RASGRF2: variants seen among roughly 807,000 people sequenced by gnomAD.
RASGRF2 encodes the protein Ras protein specific guanine nucleotide releasing factor 2, also known as ras-specific guanine nucleotide-releasing factor 2.
RASGRF2 carries 76 observed loss-of-function variants against 151.0 expected under a neutral mutation model. That is an observed-to-expected ratio of 0.50 (90% confidence interval 0.42 to 0.61). The LOEUF (loss-of-function observed/expected upper bound fraction) is 0.61. RASGRF2 is among the 20% of genes least tolerant of loss of function. RASGRF2 has a pLI of 0.00. For synonymous variants in RASGRF2, 504 were observed against 566.5 expected (o/e 0.89, Z 1.57); for missense variants, 1,148 against 1,564.6 (o/e 0.73, Z 4.49).
At chr5:81,064,033 T>C (rs1191009628) in intron 2 of RASGRF2, among the ~76,000 whole-genome samples, 1 of 152,222 alleles carries the variant, frequency 6.6e-6, no homozygotes. Context: ...ACACAGTTTC[T>C]GTGGGTCAGG....
At chr5:81,055,435 AT>A (rs1183960373) in intron 2 of RASGRF2, among the ~76,000 whole-genome samples, 93 of 152,148 alleles carry the variant, frequency 6.1e-4, no homozygotes, top group African/African-American at 2.1e-3. Context: ...ACGTTTATTG[AT>A]TTTGGGTATG....
rs940201713 is a variant in RASGRF2, at chr5:81,189,953, C to T, written c.2793+9672C>T. 2.0e-5 allele frequency among the ~76,000 whole-genome samples: 3 copies of T among 152,082 alleles called. No homozygotes were observed. In the East Asian group the frequency reaches 5.8e-4, roughly 29 times the overall value. On this transcript the variant is annotated intron_variant, in intron 18 of 26. Transcript: ENST00000265080. Reference sequence around the variant, plus strand: ...GGTCTCGAACTCCTGACCTTGTGATCCACCCGCCTCAACTTTCCAAAGTGC... The same window carrying T: ...GGTCTCGAACTCCTGACCTTGTGATTCACCCGCCTCAACTTTCCAAAGTGC...
chr5:81,050,861 T>C (rs1391288019), intron 2 of RASGRF2, among the ~76,000 whole-genome samples: 1 of 152,230 alleles, frequency 6.6e-6, no homozygotes, highest in Non-Finnish European at 1.5e-5. Flanking sequence ...TACTCATCTT[T>C]TGTGCCCTGC....
chr5:81,105,604 C>T (rs1323132571), intron 12 of RASGRF2, among the ~76,000 whole-genome samples: 1 of 152,156 alleles, frequency 6.6e-6, no homozygotes, highest in East Asian at 1.9e-4. Flanking sequence ...TTGTTCATTT[C>T]CCACAGGTCT....
intron 16 of RASGRF2, among the ~76,000 whole-genome samples, chr5:81,125,690 CTACTT>C (rs1753432498): frequency 6.6e-6 from 1 of 152,212 alleles, no homozygotes; most frequent in African/African-American, 2.4e-5. Context: ...TATTAGAACT[CTACTT>C]TATATTCTCT....
chr5:81,201,743 A>G (rs986730035), intron 19 of RASGRF2, among the ~76,000 whole-genome samples: 11 of 152,190 alleles, frequency 7.2e-5, no homozygotes, highest in Admixed American at 2.6e-4. Flanking sequence ...CTCTCCTGCA[A>G]GTCCGGCAGG....
At chr5:80,984,134 C>G (rs993600097) in intron 1 of RASGRF2, among the ~76,000 whole-genome samples, 7 of 152,168 alleles carry the variant, frequency 4.6e-5, no homozygotes, top group African/African-American at 1.4e-4. Context: ...GACCTTGGCT[C>G]ACTGCAACCT....
Position 81,219,745 on chromosome 5 carries a change from G to A in RASGRF2, c.3588G>A (p.Gln1196=), listed in dbSNP as rs1404294941. The A allele has an allele frequency of 6.2e-7, 1 of 1,611,438 alleles. No homozygotes were observed. Among genetic ancestry groups the A allele is most frequent in the African/African-American group, 1.3e-5 (1 of 74,894 alleles). ...SHIIREIRQF[Q]QTSYRIDHQP... is the part of the protein sequence containing the mutation. Reference sequence around the variant, plus strand: ...TCATCAGAGAGATACGCCAGTTCCAGCAGACTTCCTACAGAATAGATCATC... The same window carrying A: ...TCATCAGAGAGATACGCCAGTTCCAACAGACTTCCTACAGAATAGATCATC... The change falls in exon 26 of 27, where the codon CAG becomes CAA. Residue 1196 remains glutamine (Q), a synonymous_variant. Transcript: ENST00000265080.
intron 17 of RASGRF2, among the ~76,000 whole-genome samples, chr5:81,163,678 A>G (rs886466424): frequency 8.5e-5 from 13 of 152,196 alleles, no homozygotes; most frequent in Admixed American, 7.9e-4. Flanking sequence ...TCTGTGCTTA[A>G]AATAAGTGGT....
rs943643658 is a variant in RASGRF2 at position 80,999,893 on chromosome 5, G to A, written c.288+38867G>A. ...TAACAAACTAACCCACCTCCCCCAC[G>A]GCATTTTAGCAGTTTAAAACATCAA... On this transcript the variant is annotated intron_variant, in intron 1 of 26. Transcript: ENST00000265080. Among the ~76,000 whole-genome samples the A allele has an allele frequency of 6.6e-5, 10 of 152,274 alleles. No homozygotes were observed. The South Asian group carries it at 1.4e-3, about 22-fold the overall frequency.
chr5:81,148,599 G>T (rs535766040), intron 17 of RASGRF2, among the ~76,000 whole-genome samples: 5 of 149,332 alleles, frequency 3.3e-5, no homozygotes, highest in Admixed American at 2.7e-4. Context: ...ACACCTGAAC[G>T]CACCAACTAG....
At chr5:81,191,622 T>C (rs1755154015) in intron 18 of RASGRF2, among the ~76,000 whole-genome samples, 1 of 151,992 alleles carries the variant, frequency 6.6e-6, no homozygotes, top group African/African-American at 2.4e-5. Flanking sequence ...TTCTTGAAAA[T>C]GACAATCCAT....
At chr5:81,108,881 T>TGTC in intron 12 of RASGRF2, 115 bp from the exon 13 acceptor site, 1 of 859,998 alleles carries the variant, frequency 1.2e-6, no homozygotes, top group Non-Finnish European at 1.6e-6. Flanking sequence ...TGTGTGTGTG[T>TGTC]AAGAGACAGG....
intron 24 of RASGRF2, among the ~76,000 whole-genome samples, chr5:81,216,533 A>G (rs1755744444): frequency 6.6e-6 from 1 of 152,222 alleles, no homozygotes; most frequent in South Asian, 2.1e-4. Context: ...AATAATAGCA[A>G]TAATAGCAAC....
At chr5:81,213,663 C>G (rs1173280498) in intron 23 of RASGRF2, among the ~76,000 whole-genome samples, 1 of 152,138 alleles carries the variant, frequency 6.6e-6, no homozygotes, top group Non-Finnish European at 1.5e-5. Context: ...TTCCCTTTAG[C>G]ATAGGAGAAC....
At chr5:81,128,807 C>G (rs1408883111) in intron 17 of RASGRF2, among the ~76,000 whole-genome samples, 1 of 152,130 alleles carries the variant, frequency 6.6e-6, no homozygotes, top group Non-Finnish European at 1.5e-5. Flanking sequence ...TTCCTCTTCT[C>G]TCACGTGCAA....
chr5:81,217,963 G>C (rs572338717), intron 25 of RASGRF2, among the ~76,000 whole-genome samples: 115 of 152,128 alleles, frequency 7.6e-4, no homozygotes, highest in African/African-American at 2.6e-3. Flanking sequence ...AGGATGGTCT[G>C]GATCTCCTGA....
At chr5:81,172,083 G>GT (rs923663394) in intron 17 of RASGRF2, among the ~76,000 whole-genome samples, 9 of 152,028 alleles carry the variant, frequency 5.9e-5, no homozygotes, top group South Asian at 4.2e-4. Flanking sequence ...TAAATCCTGG[G>GT]TTTTTTTTAC....
intron 1 of RASGRF2, among the ~76,000 whole-genome samples, chr5:81,036,107 T>C (rs1319018113): frequency 6.6e-6 from 1 of 152,322 alleles, no homozygotes; most frequent in African/African-American, 2.4e-5. Context: ...AAGAAAATAA[T>C]TTGAAAACTT....
Sources: allele counts gnomAD v4.1 joint callset (sites outside exome capture counted in the v4.1 genomes callset), GRCh38; gene constraint gnomAD v4.1.1; transcripts MANE v1.5; gene names NCBI Gene and HGNC (gene_info 2026-07-23, HGNC 2026-07-21).